Variants in FMN2 observed in about 807,000 individuals in gnomAD.
FMN2 encodes formin 2, also known as formin-2.
In FMN2, 51 loss-of-function variants were observed where a neutral mutation model predicts 142.3. That is an observed-to-expected ratio of 0.36 (90% CI 0.29 to 0.45). The LOEUF (loss-of-function observed/expected upper bound fraction) is 0.45. FMN2 is among the 20% of genes least tolerant of loss of function. FMN2 has a pLI of 1.00. For missense variants in FMN2, 1,936 were observed against 2,122.8 expected (o/e 0.91, Z 1.73); for synonymous variants, 882 against 869.8 (o/e 1.01, Z -0.25).
chr1:240,170,211 G>A, intron 2 of FMN2: 1 of 1,264,298 alleles, frequency 7.9e-7, no homozygotes, highest in Non-Finnish European at 1.1e-6. Context: ...CAGTTGCCTG[G>A]GAGGCTGGAA....
intron 2 of FMN2, among the ~76,000 whole-genome samples, chr1:240,156,169 T>C (rs1231721950): frequency 2.0e-5 from 3 of 152,130 alleles, no homozygotes; most frequent in African/African-American, 7.2e-5. Context: ...GAGGATCACT[T>C]GAGCCAGGAG....
chr1:240,437,953 GTAA>G (rs766602486), intron 15 of FMN2, 105 bp from the exon 16 acceptor site: 19 of 1,361,804 alleles, frequency 1.4e-5, no homozygotes, highest in Non-Finnish European at 1.9e-5. Flanking sequence ...AGTCCTCTTG[GTAA>G]TAATAATTGT....
At chr1:240,123,752 A>G (rs1386861343) in intron 2 of FMN2, among the ~76,000 whole-genome samples, 1 of 152,200 alleles carries the variant, frequency 6.6e-6, no homozygotes, top group Non-Finnish European at 1.5e-5. Context: ...TGCATCCACC[A>G]CCACCATCCA....
intron 14 of FMN2, among the ~76,000 whole-genome samples, chr1:240,379,997 G>A (rs879259830): frequency 1.3e-5 from 2 of 151,896 alleles, no homozygotes; most frequent in Non-Finnish European, 2.9e-5. Context: ...AAACATATTG[G>A]TGGACCTAAG....
chr1:240,302,810 C>A (rs1247701382), intron 8 of FMN2, among the ~76,000 whole-genome samples: 1 of 151,992 alleles, frequency 6.6e-6, no homozygotes, highest in Non-Finnish European at 1.5e-5. Context: ...TCAGACAAAT[C>A]AACCTAGGCC....
At chr1:240,373,225 A>G (rs1014087618) in intron 14 of FMN2, among the ~76,000 whole-genome samples, 1 of 152,146 alleles carries the variant, frequency 6.6e-6, no homozygotes, top group African/African-American at 2.4e-5. Flanking sequence ...AGCCTTCAGC[A>G]AGTTGTGATC....
chr1:240,123,832 C>G (rs991522203), intron 2 of FMN2, among the ~76,000 whole-genome samples: 1 of 152,204 alleles, frequency 6.6e-6, no homozygotes, highest in African/African-American at 2.4e-5. Flanking sequence ...CCATCCTCCT[C>G]TTTCCCCAAG....
intron 1 of FMN2, among the ~76,000 whole-genome samples, chr1:240,121,735 TAAAAAA>T (rs71168898): frequency 7.4e-4 from 19 of 25,678 alleles, no homozygotes; most frequent in African/African-American, 1.5e-3. Flanking sequence ...AGGGAAATAG[TAAAAAA>T]AAAAAAAAAA....
intron 15 of FMN2, among the ~76,000 whole-genome samples, chr1:240,436,993 T>A (rs1432996182): frequency 6.6e-6 from 1 of 152,190 alleles, no homozygotes; most frequent in African/African-American, 2.4e-5. Context: ...CTCTAACCAG[T>A]TCTCTTGCCA....
At chr1:240,396,217 C>T (rs1673765386) in intron 15 of FMN2, among the ~76,000 whole-genome samples, 1 of 151,778 alleles carries the variant, frequency 6.6e-6, no homozygotes, top group Non-Finnish European at 1.5e-5. Context: ...CACTAGGAAA[C>T]CAGAAAATTC....
intron 7 of FMN2, among the ~76,000 whole-genome samples, chr1:240,270,336 C>T (rs1178116237): frequency 6.6e-6 from 1 of 152,008 alleles, no homozygotes; most frequent in African/African-American, 2.4e-5. Flanking sequence ...GTGAAGATTT[C>T]TCAAAAAATA....
At chr1:240,464,012 A>AG (rs1676530483) in intron 16 of FMN2, among the ~76,000 whole-genome samples, 1 of 152,148 alleles carries the variant, frequency 6.6e-6, no homozygotes, top group Non-Finnish European at 1.5e-5. Context: ...AAAAAAAAAA[A>AG]TTAAAAATTA....
chr1:240,428,841 C>A (rs552970761), intron 15 of FMN2, among the ~76,000 whole-genome samples: 1 of 152,300 alleles, frequency 6.6e-6, no homozygotes, highest in South Asian at 2.1e-4. Flanking sequence ...TTGAACTTAT[C>A]TTTCCTGTCA....
chr1:240,184,180 G>A (rs1399798941), intron 3 of FMN2, among the ~76,000 whole-genome samples: 2 of 142,722 alleles, frequency 1.4e-5, no homozygotes, highest in East Asian at 2.3e-4. Flanking sequence ...AGGGAGTCCA[G>A]AATTTTAGAT....
chr1:240,182,844 G>T (rs1475674805), intron 3 of FMN2, among the ~76,000 whole-genome samples: 1 of 152,022 alleles, frequency 6.6e-6, no homozygotes, highest in African/African-American at 2.4e-5. Context: ...ATATCCCAAA[G>T]AAGTGTCTCT....
chr1:240,337,506 G>A (rs1036127291), intron 13 of FMN2, among the ~76,000 whole-genome samples: 5 of 152,038 alleles, frequency 3.3e-5, no homozygotes, highest in African/African-American at 1.2e-4. Context: ...GATTCATATG[G>A]CCACATTTTG....
intron 2 of FMN2, among the ~76,000 whole-genome samples, chr1:240,163,743 A>G (rs534035199): frequency 1.6e-3 from 244 of 151,744 alleles, no homozygotes; most frequent in African/African-American, 5.6e-3. Context: ...TATATTTTCT[A>G]TTTGTCTTAT....
At chr1:240,267,763 G>A in intron 7 of FMN2, among the ~76,000 whole-genome samples, 1 of 151,740 alleles carries the variant, frequency 6.6e-6, no homozygotes, top group East Asian at 1.9e-4. Context: ...TTTAAATAAA[G>A]ACCCCAAACA....
chr1:240,275,712 T>G (rs12074089), intron 7 of FMN2, among the ~76,000 whole-genome samples: 21,625 of 152,126 alleles, frequency 0.14, 1,753 homozygotes, highest in African/African-American at 0.22. Flanking sequence ...TCACCAACAG[T>G]GTAAAAGCAT....
Sources: allele counts gnomAD v4.1 joint callset (sites outside exome capture counted in the v4.1 genomes callset), GRCh38; gene constraint gnomAD v4.1.1; transcripts MANE v1.5; gene names NCBI Gene and HGNC (gene_info 2026-07-23, HGNC 2026-07-21).